The following COL26A1 variants were observed in gnomAD, a reference collection of about 807,000 sequenced individuals.
The protein encoded by COL26A1 is collagen alpha-1(XXVI) chain.
COL26A1 carries 41 observed loss-of-function variants against 59.3 expected under a neutral mutation model. That is an observed-to-expected ratio of 0.69 (90% CI 0.54 to 0.90). The LOEUF is 0.90. COL26A1 is among the 40% of genes least tolerant of loss of function. COL26A1 has a pLI of 0.00. For missense variants in COL26A1, 612 were observed against 602.3 expected (o/e 1.02, Z -0.17); for synonymous variants, 266 against 256.0 (o/e 1.04, Z -0.37).
At chr7:101,520,385 G>T (rs139877791) in intron 3 of COL26A1, among the ~76,000 whole-genome samples, 64 of 152,206 alleles carry the variant, frequency 4.2e-4, no homozygotes, top group African/African-American at 1.5e-3. Context: ...ATTTTGGAGA[G>T]AGACTCATTT....
intron 3 of COL26A1, among the ~76,000 whole-genome samples, chr7:101,506,867 G>A (rs138399757): frequency 4.5e-4 from 69 of 151,852 alleles, no homozygotes; most frequent in African/African-American, 1.6e-3. Flanking sequence ...TGTGCTGTCT[G>A]CAGCCTTCTC....
At chr7:101,427,427 C>T (rs1036681889) in intron 2 of COL26A1, among the ~76,000 whole-genome samples, 1 of 151,830 alleles carries the variant, frequency 6.6e-6, no homozygotes, top group South Asian at 2.1e-4. Context: ...TTTGGGAGGC[C>T]CAAGTGGGCA....
rs187629348 is a variant in COL26A1 at position 101,511,774 on chromosome 7, C to T, written c.386-21308C>T. 5.6e-3 allele frequency among the ~76,000 whole-genome samples: 853 copies of T among 152,302 alleles called. 12 individuals are homozygous for T. The highest frequency in any genetic ancestry group is 0.04 in the Admixed American group (606 of 15,278). ...GCCAGGACTGTAGGTGGGAGGATTGCATAAGCACGGGAGTTTGAGACCAGC... is the reference window on the plus strand; with the variant it reads ...GCCAGGACTGTAGGTGGGAGGATTGTATAAGCACGGGAGTTTGAGACCAGC... On this transcript the variant is annotated intron_variant, in intron 3 of 12. Transcript: ENST00000313669.
Position 101,547,171 on chromosome 7 carries a change from T to A in COL26A1, c.872T>A (p.Leu291Gln). The change falls in exon 8 of 13, where the codon CTG (leucine) becomes CAG (glutamine). Residue 291 changes from leucine (L) to glutamine (Q), a missense_variant. Coordinates refer to ENST00000313669, the MANE Select transcript of COL26A1 (RefSeq NM_001278563.3). ...CTTCCCACAGATGGAGACTCAAGGCTGGCCTCTGCCATCGTGGACACAGTG... is the reference window on the plus strand; with the variant it reads ...CTTCCCACAGATGGAGACTCAAGGCAGGCCTCTGCCATCGTGGACACAGTG... Reference protein sequence around the residue: ...PTDKDNGDSRLASAIVDTVLA... With the variant: ...PTDKDNGDSRQASAIVDTVLA... The A allele has an allele frequency of 1.3e-6, 2 of 1,597,122 alleles. No homozygotes were observed. The highest frequency in any genetic ancestry group is 1.7e-6 in the Non-Finnish European group (2 of 1,173,490).
At chr7:101,530,862 T>C (rs1011713850) in intron 3 of COL26A1, among the ~76,000 whole-genome samples, 2 of 152,186 alleles carry the variant, frequency 1.3e-5, no homozygotes, top group African/African-American at 4.8e-5. Context: ...TGCATGCACC[T>C]TGCAAAATAG....
chr7:101,369,403 T>A (rs1354755170), intron 1 of COL26A1, among the ~76,000 whole-genome samples: 3 of 148,634 alleles, frequency 2.0e-5, no homozygotes, highest in African/African-American at 7.4e-5. Flanking sequence ...CAAGACTCAG[T>A]CTTAAATAAA....
chr7:101,457,515 G>A (rs1260372398), intron 3 of COL26A1, among the ~76,000 whole-genome samples: 1 of 152,120 alleles, frequency 6.6e-6, no homozygotes, highest in East Asian at 1.9e-4. Context: ...TTGCTTCAAA[G>A]TTAAACTATA....
intron 1 of COL26A1, among the ~76,000 whole-genome samples, chr7:101,417,680 CTAGACA>C (rs1792410767): frequency 1.7e-5 from 1 of 58,306 alleles, no homozygotes; most frequent in East Asian, 3.9e-4. Context: ...ATCTCTATAT[CTAGACA>C]TAGATATAGA....
chr7:101,530,952 T>G (rs941605709), intron 3 of COL26A1, among the ~76,000 whole-genome samples: 2 of 139,454 alleles, frequency 1.4e-5, no homozygotes, highest in South Asian at 4.4e-4. Context: ...TTATTTCTTG[T>G]TTTTTTTTGT....
intron 3 of COL26A1, among the ~76,000 whole-genome samples, chr7:101,468,965 GGGCCTC>G (rs1452171199): frequency 6.6e-6 from 1 of 152,200 alleles, no homozygotes; most frequent in Non-Finnish European, 1.5e-5. Context: ...CAGCCTCGCA[GGGCCTC>G]GGTTTTCTCA....
At chr7:101,381,892 C>G (rs554722720) in intron 1 of COL26A1, among the ~76,000 whole-genome samples, 99 of 152,172 alleles carry the variant, frequency 6.5e-4, no homozygotes, top group Non-Finnish European at 1.2e-3. Context: ...AAAGATGTGC[C>G]AGATACTGGG....
Position 101,533,167 on chromosome 7 carries a change from G to A in COL26A1, c.447+24G>A, listed in dbSNP as rs560688435. On this transcript the variant is annotated intron_variant, in intron 4 of 12. Coordinates refer to ENST00000313669, the MANE Select transcript of COL26A1 (RefSeq NM_001278563.3). ...AGGTCAGTCGGGCTGGGGAGTCTGGGCCTGGGGAGCTGCCTGGGGACCTTG... is the reference window on the plus strand; with the variant it reads ...AGGTCAGTCGGGCTGGGGAGTCTGGACCTGGGGAGCTGCCTGGGGACCTTG... 1.1e-5 allele frequency: 18 copies of A among 1,572,294 alleles called. No homozygotes were observed. The East Asian group carries it at 1.8e-4, about 16-fold the overall frequency.
chr7:101,409,234 C>T (rs544046301), intron 1 of COL26A1, among the ~76,000 whole-genome samples: 1 of 152,258 alleles, frequency 6.6e-6, no homozygotes, highest in East Asian at 1.9e-4. Flanking sequence ...GATAGTTCCT[C>T]CTCCTTGCTA....
chr7:101,477,769 T>A (rs1794080913), intron 3 of COL26A1, among the ~76,000 whole-genome samples: 2 of 152,180 alleles, frequency 1.3e-5, no homozygotes, highest in Non-Finnish European at 2.9e-5. Flanking sequence ...TCAGCACCTC[T>A]GTATACCTTC....
intron 2 of COL26A1, among the ~76,000 whole-genome samples, chr7:101,434,186 CT>C (rs1792857714): frequency 8.4e-6 from 1 of 119,490 alleles, no homozygotes; most frequent in Non-Finnish European, 1.8e-5. Flanking sequence ...TTCCTTCCTT[CT>C]CTCTCTCTCT....
At chr7:101,407,384 G>C (rs1475514839) in intron 1 of COL26A1, among the ~76,000 whole-genome samples, 6 of 152,018 alleles carry the variant, frequency 3.9e-5, no homozygotes, top group African/African-American at 1.4e-4. Flanking sequence ...GAGAGGGCAG[G>C]TCTGAGCCTG....
chr7:101,364,075 G>A (rs1790981782), intron 1 of COL26A1, among the ~76,000 whole-genome samples: 1 of 152,094 alleles, frequency 6.6e-6, no homozygotes, highest in African/African-American at 2.4e-5. Flanking sequence ...CCCGGGCGCC[G>A]GGACCCGCCA....
At chr7:101,433,236 A>T (rs1271903261) in intron 2 of COL26A1, among the ~76,000 whole-genome samples, 1 of 152,098 alleles carries the variant, frequency 6.6e-6, no homozygotes, top group Non-Finnish European at 1.5e-5. Flanking sequence ...AGATGGGAGG[A>T]TTGCTTGAGC....
At chr7:101,408,982 C>T (rs1404140598) in intron 1 of COL26A1, among the ~76,000 whole-genome samples, 1 of 152,268 alleles carries the variant, frequency 6.6e-6, no homozygotes, top group Admixed American at 6.5e-5. Flanking sequence ...AGCAAAGTGT[C>T]TAAGAGTTGC....
Sources: allele counts gnomAD v4.1 joint callset (sites outside exome capture counted in the v4.1 genomes callset), GRCh38; gene constraint gnomAD v4.1.1; transcripts MANE v1.5; gene names NCBI Gene and HGNC (gene_info 2026-07-23, HGNC 2026-07-21).